SAV1: variants seen among roughly 807,000 people sequenced by gnomAD.
SAV1 encodes the protein protein salvador homolog 1.
SAV1 carries 23 observed loss-of-function variants against 47.3 expected under a neutral mutation model. The ratio of observed to expected loss-of-function variants is 0.49; its 90% CI spans 0.35 to 0.69. SAV1 has a LOEUF of 0.69. Among genes scored for constraint, SAV1 ranks in the 30% least tolerant of loss-of-function variants. SAV1 has a pLI of 0.01. For missense variants in SAV1, 448 were observed against 457.4 expected (o/e 0.98, Z 0.19); for synonymous variants, 155 against 159.2 (o/e 0.97, Z 0.20).
chr14:50,635,796 G>A (rs537587712), intron 4 of SAV1, among the ~76,000 whole-genome samples: 11 of 152,128 alleles, frequency 7.2e-5, no homozygotes, highest in Non-Finnish European at 1.5e-4. Flanking sequence ...TGCAACCTCC[G>A]CCTCCCGGGT....
At chr14:50,636,787 T>C (rs1226944925) in intron 4 of SAV1, among the ~76,000 whole-genome samples, 2 of 152,212 alleles carry the variant, frequency 1.3e-5, no homozygotes, top group Non-Finnish European at 2.9e-5. Flanking sequence ...TGGTTTTCAA[T>C]GTTAATATCC....
chr14:50,667,479 C>T (rs765532385), intron 1 of SAV1: 41 of 458,558 alleles, frequency 8.9e-5, no homozygotes, highest in African/African-American at 6.6e-4. Flanking sequence ...TGTTTGCAAA[C>T]ATGACGCACA....
chr14:50,638,987 T>G (rs1430542144), intron 4 of SAV1, among the ~76,000 whole-genome samples: 1 of 152,202 alleles, frequency 6.6e-6, no homozygotes, highest in African/African-American at 2.4e-5. Flanking sequence ...CAGGATGGTC[T>G]CGATCTCTCG....
intron 4 of SAV1, among the ~76,000 whole-genome samples, chr14:50,637,298 T>C (rs1210730941): frequency 1.3e-5 from 2 of 152,298 alleles, no homozygotes; most frequent in South Asian, 4.1e-4. Flanking sequence ...CTGTAAGAAA[T>C]ACTCAATGAG....
rs868400677 is a variant in SAV1, at chr14:50,645,016, T to A, written c.536-2A>T. ...ATGTAGCAGCAACTCTCCCAATACCTACGGGGAAAGAGAAAATGATAGAGA... is the reference window on the plus strand; with the variant it reads ...ATGTAGCAGCAACTCTCCCAATACCAACGGGGAAAGAGAAAATGATAGAGA... On this transcript the variant is annotated splice_acceptor_variant, in intron 2 of 4. Transcript: ENST00000324679. LOFTEE classifies it high-confidence loss of function. The A allele has an allele frequency of 6.2e-7, 1 of 1,602,342 alleles. No individual in the cohort carries two copies. Among genetic ancestry groups the A allele is most frequent in the African/African-American group, 1.3e-5 (1 of 74,474 alleles).
intron 4 of SAV1, among the ~76,000 whole-genome samples, chr14:50,638,724 A>T (rs1036936334): frequency 3.9e-5 from 6 of 152,166 alleles, no homozygotes; most frequent in African/African-American, 1.4e-4. Flanking sequence ...CAGAAAGTAA[A>T]TATGTTCTTG....
At chr14:50,658,366 T>TA (rs745862018) in intron 2 of SAV1, among the ~76,000 whole-genome samples, 12 of 152,202 alleles carry the variant, frequency 7.9e-5, no homozygotes, top group Non-Finnish European at 1.3e-4. Context: ...GTATTCCAAC[T>TA]AAAGACTTCC....
At chr14:50,665,887 CATAAT>C (rs2039897993) in intron 1 of SAV1, among the ~76,000 whole-genome samples, 2 of 152,132 alleles carry the variant, frequency 1.3e-5, no homozygotes, top group Non-Finnish European at 2.9e-5. Context: ...TACTACCATA[CATAAT>C]ATGATAAAAT....
chr14:50,655,279 T>C (rs2039802863), intron 2 of SAV1, among the ~76,000 whole-genome samples: 4 of 152,204 alleles, frequency 2.6e-5, no homozygotes, highest in Admixed American at 6.5e-5. Flanking sequence ...AGCATAACAA[T>C]GTAACAATTT....
chr14:50,641,617 C>G (rs2039681546), intron 3 of SAV1, among the ~76,000 whole-genome samples: 1 of 152,176 alleles, frequency 6.6e-6, no homozygotes, highest in South Asian at 2.1e-4. Context: ...TGCTCAACAT[C>G]ACTGCTTATT....
intron 4 of SAV1, among the ~76,000 whole-genome samples, chr14:50,639,253 A>G (rs1335057851): frequency 1.3e-5 from 2 of 150,484 alleles, no homozygotes; most frequent in Non-Finnish European, 2.9e-5. Flanking sequence ...TGTGAGAGAT[A>G]GGATTAAAGA....
chr14:50,642,979 A>C (rs917330581), intron 3 of SAV1, among the ~76,000 whole-genome samples: 1 of 152,188 alleles, frequency 6.6e-6, no homozygotes, highest in Non-Finnish European at 1.5e-5. Flanking sequence ...CTCAGCCTCC[A>C]TACTTGTAAA....
chr14:50,640,998 C>A (rs2039677372), intron 3 of SAV1, 105 bp from the exon 4 acceptor site: 2 of 1,044,728 alleles, frequency 1.9e-6, no homozygotes, highest in South Asian at 3.9e-5. Flanking sequence ...TGCCTTCTGT[C>A]CAAACTGACT....
intron 2 of SAV1, among the ~76,000 whole-genome samples, chr14:50,647,457 T>C (rs1474740705): frequency 1.3e-5 from 2 of 152,128 alleles, no homozygotes; most frequent in Admixed American, 6.5e-5. Flanking sequence ...CTCAGGAAGC[T>C]GAGTAGGAGG....
At chr14:50,645,523 G>C (rs1438575541) in intron 2 of SAV1, among the ~76,000 whole-genome samples, 1 of 151,772 alleles carries the variant, frequency 6.6e-6, no homozygotes, top group Non-Finnish European at 1.5e-5. Context: ...TTCAGATTTG[G>C]GATCTCTTCC....
intron 2 of SAV1, among the ~76,000 whole-genome samples, chr14:50,649,741 T>C (rs1253464144): frequency 6.6e-6 from 1 of 152,192 alleles, no homozygotes; most frequent in Non-Finnish European, 1.5e-5. Context: ...TTAACATAAA[T>C]TTGAATCCCT....
rs2039626914 is a variant in SAV1 at position 50,635,543 on chromosome 14, A to ACAGTGG, written c.951-160_951-159insCCACTG. Among the ~76,000 whole-genome samples the ACAGTGG allele has an allele frequency of 7.9e-5, 12 of 152,294 alleles. No individual in the cohort carries two copies. The South Asian group carries it at 2.1e-3, about 26-fold the overall frequency. ...ACTGGGCACAGTGGTGGCGCCTATTATAGTCCCAGCTACTTGGGAGGCTGA... is the reference window on the plus strand; with the variant it reads ...ACTGGGCACAGTGGTGGCGCCTATTACAGTGGTAGTCCCAGCTACTTGGGAGGCTGA... On this transcript the variant is annotated intron_variant, in intron 4 of 4. Transcript: ENST00000324679.
rs531564434 is a variant in SAV1 at position 50,668,000 on chromosome 14, T to C, written c.-33A>G. 5 of 1,577,134 alleles carry C rather than the reference T, an allele frequency of 3.2e-6. No homozygotes were observed. Among genetic ancestry groups the C allele is most frequent in the Non-Finnish European group, 4.3e-6 (5 of 1,156,362 alleles). The stretch of plus-strand genomic sequence containing the variant: ...GACGAGGCCCGAGGCCGCGCTGAAC[T>C]GCCTCCCTAGGGCTCCGCGCCGGGC... On this transcript the variant is annotated 5_prime_UTR_variant, in exon 1 of 5. Coordinates refer to ENST00000324679, the MANE Select transcript of SAV1 (RefSeq NM_021818.4).
intron 2 of SAV1, among the ~76,000 whole-genome samples, chr14:50,652,325 C>T (rs1380049156): frequency 6.6e-6 from 1 of 152,086 alleles, no homozygotes; most frequent in African/African-American, 2.4e-5. Context: ...TTTCTATTTC[C>T]AGAAAGCAAC....
Sources: allele counts gnomAD v4.1 joint callset (sites outside exome capture counted in the v4.1 genomes callset), GRCh38; gene constraint gnomAD v4.1.1; transcripts MANE v1.5; gene names NCBI Gene and HGNC (gene_info 2026-07-23, HGNC 2026-07-21).